Variants in FBLN2 observed in about 807,000 individuals in gnomAD.
FBLN2 encodes the protein fibulin 2.
In FBLN2, 81 loss-of-function variants were observed where a neutral mutation model predicts 123.7. The observed-to-expected ratio is 0.65, with a 90% CI of 0.55 to 0.79. The LOEUF is 0.79. Among genes scored for constraint, FBLN2 ranks in the 30% least tolerant of loss-of-function variants. FBLN2 has a pLI of 0.00. For missense variants in FBLN2, 1,603 were observed against 1,681.3 expected (o/e 0.95, Z 0.81); for synonymous variants, 699 against 701.4 (o/e 1.00, Z 0.05).
At chr3:13,582,040 G>T (rs1362593415) in intron 2 of FBLN2, among the ~76,000 whole-genome samples, 1 of 152,152 alleles carries the variant, frequency 6.6e-6, no homozygotes, top group African/African-American at 2.4e-5. Context: ...CTGTAAAAGG[G>T]GCTTACTGTT....
At chr3:13,583,632 C>A (rs901169659) in intron 2 of FBLN2, among the ~76,000 whole-genome samples, 2 of 152,274 alleles carry the variant, frequency 1.3e-5, no homozygotes, top group African/African-American at 4.8e-5. Flanking sequence ...TCAGGCCTCT[C>A]CCTGGTACCT....
At chr3:13,584,190 T>C (rs1273660540) in intron 2 of FBLN2, among the ~76,000 whole-genome samples, 1 of 152,236 alleles carries the variant, frequency 6.6e-6, no homozygotes, top group Non-Finnish European at 1.5e-5. Flanking sequence ...AGCTCCCAAT[T>C]TGTAAATATT....
At chr3:13,573,842 G>C (rs1487776647) in intron 2 of FBLN2, among the ~76,000 whole-genome samples, 1 of 146,820 alleles carries the variant, frequency 6.8e-6, no homozygotes, top group Non-Finnish European at 1.5e-5. Context: ...AGAGGTTGCA[G>C]TGAGCCAAGA....
At chr3:13,591,602 T>C (rs930256854) in intron 2 of FBLN2, among the ~76,000 whole-genome samples, 1 of 152,204 alleles carries the variant, frequency 6.6e-6, no homozygotes, top group African/African-American at 2.4e-5. Context: ...TTTTCTGGCC[T>C]CTTTTTTCTG....
In FBLN2 at chr3:13,622,191, G is replaced by A. The variant is rs563875561; in HGVS notation, c.2296+276G>A. On this transcript the variant is annotated intron_variant, in intron 9 of 17. Coordinates refer to ENST00000404922, the MANE Select transcript of FBLN2 (RefSeq NM_001004019.2). ...GTGGATCAGGGACCCCACCTGGGCT[G>A]CAGGAAAATGAGGGGGTCAGACATG... 2.0e-5 allele frequency among the ~76,000 whole-genome samples: 3 copies of A among 152,330 alleles called. No individual in the cohort carries two copies. In the South Asian group the frequency reaches 6.2e-4, roughly 32 times the overall value.
Position 13,571,613 on chromosome 3 carries a change from G to T in FBLN2, c.1258G>T (p.Asp420Tyr), listed in dbSNP as rs1454105266. Residue 420 changes from aspartate to tyrosine, a missense_variant, in exon 2 of 18, where the codon GAC (aspartate) becomes TAC (tyrosine). Transcript: ENST00000404922. ...QVLPHSHVEE[D>Y]TDPNSVHSIP... Reference sequence around the variant, plus strand: ...TCTGCCCCATTCCCACGTGGAGGAGGACACAGACCCCAACTCTGTCCATTC... The same window carrying T: ...TCTGCCCCATTCCCACGTGGAGGAGTACACAGACCCCAACTCTGTCCATTC... 6.2e-7 allele frequency: 1 copy of T among 1,611,638 alleles called. No homozygotes were observed. The highest frequency in any genetic ancestry group is 1.7e-5 in the Admixed American group (1 of 59,836).
At chr3:13,580,405 C>G (rs1158045030) in intron 2 of FBLN2, among the ~76,000 whole-genome samples, 1 of 152,186 alleles carries the variant, frequency 6.6e-6, no homozygotes, top group Non-Finnish European at 1.5e-5. Flanking sequence ...GAGTGCCTCT[C>G]TCACCATTGC....
At position 13,636,658 on chromosome 3, in the gene FBLN2, G is replaced by A. The variant is rs532188286; in HGVS notation, c.3338+90G>A. ...AGGCTGAGAGATGGGCGCCTGCCTT[G>A]ATCACCTCCCTCTCGTCCCAGCCCC... On this transcript the variant is annotated intron_variant, in intron 17 of 17. Transcript: ENST00000404922. 4.1e-4 allele frequency: 603 copies of A among 1,468,950 alleles called. 4 individuals carry two copies. The African/African-American group carries it at 7.6e-3, about 19-fold the overall frequency. 91.0% of individuals were successfully genotyped at this position (1,468,950 alleles called of 1,614,324 possible).
chr3:13,587,070 G>A (rs1183732651), intron 2 of FBLN2, among the ~76,000 whole-genome samples: 2 of 149,770 alleles, frequency 1.3e-5, no homozygotes, highest in African/African-American at 4.9e-5. Flanking sequence ...GCTTGAGCCC[G>A]AGAGGCGGAG....
rs201485015 is a variant in FBLN2, at chr3:13,618,137, G to A, written c.1791G>A (p.Pro597=). The change falls in exon 6 of 18, where the codon CCG becomes CCA. Residue 597 remains proline, a synonymous_variant. Coordinates refer to ENST00000404922, the MANE Select transcript of FBLN2 (RefSeq NM_001004019.2). ...CACTGGGCACAGAGGCCGAGCTGCC[G>A]AACAGCCTGCCGGGCGATGACCAGG... The part of the protein sequence containing the change: ...ALSLGTEAEL[P]NSLPGDDQDE... 1.7e-3 allele frequency: 2,733 copies of A among 1,613,580 alleles called. 59 individuals are homozygous for A. The South Asian group carries it at 0.028, about 17-fold the overall frequency.
At chr3:13,551,876 G>A (rs1358575277) in intron 1 of FBLN2, among the ~76,000 whole-genome samples, 2 of 141,210 alleles carry the variant, frequency 1.4e-5, no homozygotes, top group African/African-American at 2.7e-5. Flanking sequence ...ACAGGATCTC[G>A]TCCTGTCTCT....
intron 2 of FBLN2, among the ~76,000 whole-genome samples, chr3:13,600,036 A>AGAGAGT (rs1422151008): frequency 2.1e-5 from 3 of 144,718 alleles, no homozygotes; most frequent in Admixed American, 6.7e-5. Context: ...AGAGAGAGAG[A>AGAGAGT]GAGAGAGAGC....
chr3:13,603,843 A>G (rs560743608), intron 2 of FBLN2, among the ~76,000 whole-genome samples: 10 of 152,364 alleles, frequency 6.6e-5, no homozygotes, highest in African/African-American at 2.4e-4. Flanking sequence ...ACTAGTTTAC[A>G]GTCCCACCAA....
At chr3:13,620,835 C>G (rs1705825494) in intron 8 of FBLN2, among the ~76,000 whole-genome samples, 1 of 152,202 alleles carries the variant, frequency 6.6e-6, no homozygotes, top group Non-Finnish European at 1.5e-5. Flanking sequence ...CCAGCCGAGA[C>G]TGTTCTGATG....
At chr3:13,636,304 G>T in intron 16 of FBLN2, 141 bp from the exon 17 acceptor site, 2 of 973,184 alleles carry the variant, frequency 2.1e-6, no homozygotes, top group Admixed American at 2.7e-5. Flanking sequence ...GGTGAGATGG[G>T]GCATGTGTGT....
chr3:13,609,509 T>G lies in FBLN2; in HGVS notation c.1419-4T>G, dbSNP rs1395646884. 5 of 1,541,910 alleles carry G rather than the reference T, an allele frequency of 3.2e-6. No individual in the cohort carries two copies. Among genetic ancestry groups the G allele is most frequent in the Non-Finnish European group, 4.4e-6 (5 of 1,143,350 alleles). Reference sequence around the variant, plus strand: ...TGGGGGCTAAGTTACCCCCTCTGTTTCAGGACAGCCCAGAGGCACTGCTGT... The same window carrying G: ...TGGGGGCTAAGTTACCCCCTCTGTTGCAGGACAGCCCAGAGGCACTGCTGT... On this transcript the variant is annotated splice_region_variant and splice_polypyrimidine_tract_variant and intron_variant, in intron 3 of 17. Coordinates refer to ENST00000404922, the MANE Select transcript of FBLN2 (RefSeq NM_001004019.2).
chr3:13,558,060 T>C (rs1285804770), intron 1 of FBLN2, among the ~76,000 whole-genome samples: 1 of 152,116 alleles, frequency 6.6e-6, no homozygotes. Context: ...CCTGAGAAAT[T>C]CCTAAATTTC....
At position 13,618,889 on chromosome 3, in the gene FBLN2, C is replaced by T. The variant is rs1364443871; in HGVS notation, c.1940-15C>T. The T allele has an allele frequency of 1.2e-6, 2 of 1,603,548 alleles. No homozygotes were observed. The highest frequency in any genetic ancestry group is 1.7e-5 in the Admixed American group (1 of 59,098). On this transcript the variant is annotated splice_polypyrimidine_tract_variant and intron_variant, in intron 6 of 17. Transcript: ENST00000404922. ...AGACCTCCCTGCAACCCCCACTCTGCTCTACCCATGACAGAGGGTCACCCT... is the reference window on the plus strand; with the variant it reads ...AGACCTCCCTGCAACCCCCACTCTGTTCTACCCATGACAGAGGGTCACCCT...
At chr3:13,625,125 G>GC (rs1705990770) in intron 9 of FBLN2, among the ~76,000 whole-genome samples, 1 of 151,618 alleles carries the variant, frequency 6.6e-6, no homozygotes, top group South Asian at 2.1e-4. Context: ...GGCCTCTGTG[G>GC]CCCGGGGGTG....
Sources: allele counts gnomAD v4.1 joint callset (sites outside exome capture counted in the v4.1 genomes callset), GRCh38; gene constraint gnomAD v4.1.1; transcripts MANE v1.5; gene names NCBI Gene and HGNC (gene_info 2026-07-23, HGNC 2026-07-21).